The following NDST3 variants were observed in gnomAD, a reference collection of about 807,000 sequenced individuals.
NDST3 encodes the protein N-deacetylase and N-sulfotransferase 3.
A neutral mutation model predicts 96.1 loss-of-function variants in NDST3; 58 were observed. That is an observed-to-expected ratio of 0.60 (90% confidence interval 0.49 to 0.75). The LOEUF is 0.75. NDST3 is among the 30% of genes least tolerant of loss of function. The pLI is 0.00. For synonymous variants in NDST3, 333 were observed against 359.7 expected (o/e 0.93, Z 0.84); for missense variants, 788 against 1,034.2 (o/e 0.76, Z 3.27).
chr4:118,124,982 A>T (rs1285609932), intron 4 of NDST3, among the ~76,000 whole-genome samples: 1 of 152,000 alleles, frequency 6.6e-6, no homozygotes, highest in African/African-American at 2.4e-5. Flanking sequence ...CCTAAACCTC[A>T]AGTTCCAGAT....
chr4:118,122,252 T>C (rs1731655942), intron 4 of NDST3, among the ~76,000 whole-genome samples: 1 of 152,150 alleles, frequency 6.6e-6, no homozygotes, highest in African/African-American at 2.4e-5. Flanking sequence ...GGGAGGTCTA[T>C]TTCCAGATCC....
At chr4:118,246,314 G>A (rs779836617) in intron 12 of NDST3, among the ~76,000 whole-genome samples, 3 of 152,124 alleles carry the variant, frequency 2.0e-5, no homozygotes, top group Admixed American at 6.5e-5. Flanking sequence ...TTATAAAGAA[G>A]CAAGATTTAG....
At chr4:118,190,679 C>G (rs1002809606) in intron 6 of NDST3, among the ~76,000 whole-genome samples, 1 of 152,102 alleles carries the variant, frequency 6.6e-6, no homozygotes, top group South Asian at 2.1e-4. Context: ...GGAGGCAAAG[C>G]TGGGGCAGGG....
At chr4:118,164,299 A>G (rs1340446248) in intron 6 of NDST3, among the ~76,000 whole-genome samples, 1 of 152,180 alleles carries the variant, frequency 6.6e-6, no homozygotes, top group Non-Finnish European at 1.5e-5. Context: ...ATGAGAACAC[A>G]TGGACACAAA....
intron 6 of NDST3, among the ~76,000 whole-genome samples, chr4:118,175,872 G>A (rs1028153326): frequency 2.6e-5 from 4 of 152,062 alleles, no homozygotes; most frequent in Admixed American, 2.6e-4. Context: ...TTCTCAGTGT[G>A]GAATTGTTCT....
At chr4:118,244,255 A>T (rs1033446965) in intron 12 of NDST3, among the ~76,000 whole-genome samples, 1 of 152,088 alleles carries the variant, frequency 6.6e-6, no homozygotes, top group Non-Finnish European at 1.5e-5. Context: ...TGCCCTTTGT[A>T]GTTGTTTATC....
At chr4:118,171,388 A>G (rs1034526717) in intron 6 of NDST3, among the ~76,000 whole-genome samples, 1 of 152,186 alleles carries the variant, frequency 6.6e-6, no homozygotes, top group African/African-American at 2.4e-5. Context: ...CTCAGCTTCA[A>G]TCTTACCTCC....
At chr4:118,141,711 T>C (rs981449303) in intron 5 of NDST3, among the ~76,000 whole-genome samples, 16 of 152,208 alleles carry the variant, frequency 1.1e-4, no homozygotes, top group African/African-American at 3.9e-4. Flanking sequence ...TTTTAAAATG[T>C]TAAATGCCAT....
intron 10 of NDST3, among the ~76,000 whole-genome samples, chr4:118,238,671 T>C (rs534362164): frequency 6.6e-6 from 1 of 152,332 alleles, no homozygotes; most frequent in South Asian, 2.1e-4. Flanking sequence ...CTAAGTGTGA[T>C]TTGAAAAATA....
At chr4:118,127,240 G>C (rs1261136747) in intron 4 of NDST3, among the ~76,000 whole-genome samples, 1 of 151,908 alleles carries the variant, frequency 6.6e-6, no homozygotes, top group East Asian at 1.9e-4. Context: ...GCCTGTGCTT[G>C]TGGGGTATTA....
At chr4:118,121,014 T>G (rs2125873843) in intron 4 of NDST3, among the ~76,000 whole-genome samples, 1 of 152,332 alleles carries the variant, frequency 6.6e-6, no homozygotes, top group Non-Finnish European at 1.5e-5. Flanking sequence ...TTTATTTTTA[T>G]CCAGTTGATT....
chr4:118,178,996 C>T lies in NDST3; in HGVS notation c.1539+35312C>T, dbSNP rs541142543. Among the ~76,000 whole-genome samples the T allele has an allele frequency of 2.0e-5, 3 of 152,098 alleles. No individual in the cohort carries two copies. In the South Asian group the frequency reaches 6.2e-4, roughly 32 times the overall value. Reference sequence around the variant, plus strand: ...AAGGCATGAGGTTAAATATAAAGGACAGCAATAGCAATAGCCAGAATATCA... The same window carrying T: ...AAGGCATGAGGTTAAATATAAAGGATAGCAATAGCAATAGCCAGAATATCA... On this transcript the variant is annotated intron_variant, in intron 6 of 13. Transcript: ENST00000296499.
intron 8 of NDST3, among the ~76,000 whole-genome samples, chr4:118,228,116 A>G (rs1740027474): frequency 6.6e-6 from 1 of 152,180 alleles, no homozygotes; most frequent in Admixed American, 6.5e-5. Flanking sequence ...ACTGAGGAAA[A>G]TTCTGTGCAA....
At position 118,237,071 on chromosome 4, in the gene NDST3, T is replaced by C; in HGVS notation, c.1969T>C (p.Ser657Pro). ...GTATATGGATTTCTTCCCAGTCCCA[T>C]CTAATGTCACTACCGACTTTTTGTT... is the stretch of plus-strand genomic sequence containing the variant. The part of the protein sequence containing the change: ...DWYMDFFPVP[S>P]NVTTDFLFEK... Residue 657 changes from serine to proline, a missense_variant, in exon 10 of 14, where the codon TCT (serine) becomes CCT (proline). Coordinates refer to ENST00000296499, the MANE Select transcript of NDST3 (RefSeq NM_004784.3). 1 of 1,611,082 alleles carries C rather than the reference T, an allele frequency of 6.2e-7. No homozygotes were observed. Among genetic ancestry groups the C allele is most frequent in the Non-Finnish European group, 8.5e-7 (1 of 1,178,444 alleles).
At chr4:118,220,776 T>G (rs537355022) in intron 6 of NDST3, among the ~76,000 whole-genome samples, 1 of 152,156 alleles carries the variant, frequency 6.6e-6, no homozygotes, top group East Asian at 1.9e-4. Context: ...CCAAGCTGTT[T>G]TTTGTACTAA....
intron 6 of NDST3, among the ~76,000 whole-genome samples, chr4:118,192,355 G>C (rs1023882007): frequency 2.6e-5 from 4 of 152,058 alleles, no homozygotes; most frequent in Non-Finnish European, 4.4e-5. Flanking sequence ...AAGAAATTTT[G>C]CCCAGATCAA....
At chr4:118,133,229 A>C (rs537922566) in intron 4 of NDST3, among the ~76,000 whole-genome samples, 6 of 152,178 alleles carry the variant, frequency 3.9e-5, no homozygotes, top group Non-Finnish European at 8.8e-5. Context: ...CTTGACAAGA[A>C]ACTCAAGCTC....
intron 6 of NDST3, among the ~76,000 whole-genome samples, chr4:118,167,647 C>G (rs916320181): frequency 1.3e-5 from 2 of 151,954 alleles, no homozygotes; most frequent in African/African-American, 4.8e-5. Flanking sequence ...ATCCTACTTC[C>G]TGATTTGAAA....
At chr4:118,089,830 T>C (rs1169262952) in intron 2 of NDST3, among the ~76,000 whole-genome samples, 1 of 151,936 alleles carries the variant, frequency 6.6e-6, no homozygotes, top group African/African-American at 2.4e-5. Flanking sequence ...CCTGAGCAGA[T>C]GAAAAGTAAG....
Sources: gnomAD v4.1 joint callset for allele counts (sites outside exome capture counted in the v4.1 genomes callset) on GRCh38, gnomAD v4.1.1 for gene constraint, MANE v1.5 for transcripts, NCBI Gene and HGNC (gene_info 2026-07-23, HGNC 2026-07-21) for gene names.